PSMD14: variants seen among roughly 807,000 people sequenced by gnomAD.
PSMD14 encodes ubiquitin C-terminal hydrolase PSMD14.
Under a neutral mutation model 41.2 loss-of-function variants are expected in PSMD14, and 7 were observed. The observed-to-expected ratio is 0.17, with a 90% confidence interval of 0.10 to 0.32. PSMD14 has a LOEUF of 0.32. Ranked by LOEUF, PSMD14 falls within the 10% of genes least tolerant of loss-of-function variation. The pLI is 1.00. For synonymous variants in PSMD14, 114 were observed against 122.3 expected, an observed-to-expected ratio of 0.93 and a Z score of 0.45; for missense variants, 139 against 375.6, an observed-to-expected ratio of 0.37 and a Z score of 5.21.
chr2:161,345,333 C>G (rs1683025172), intron 3 of PSMD14, among the ~76,000 whole-genome samples: 1 of 149,710 alleles, frequency 6.7e-6, no homozygotes, highest in African/African-American at 2.5e-5. Flanking sequence ...ACCTCTGTCT[C>G]CTGGGCTCAA....
At chr2:161,388,205 A>G (rs1156534471) in intron 8 of PSMD14, among the ~76,000 whole-genome samples, 2 of 152,094 alleles carry the variant, frequency 1.3e-5, no homozygotes, top group African/African-American at 2.4e-5. Flanking sequence ...AAGAGCCTCT[A>G]AGTATAGTCT....
chr2:161,354,860 T>C (rs1683173492), intron 3 of PSMD14, among the ~76,000 whole-genome samples: 1 of 152,198 alleles, frequency 6.6e-6, no homozygotes, highest in Non-Finnish European at 1.5e-5. Context: ...CCCTCTCCCC[T>C]GCTATTACAT....
chr2:161,318,734 C>G (rs1417185801), intron 2 of PSMD14, 88 bp from the exon 3 acceptor site: 5 of 973,482 alleles, frequency 5.1e-6, no homozygotes, highest in Admixed American at 4.2e-5. Flanking sequence ...TTTTGACATA[C>G]TGAGTGACTG....
intron 3 of PSMD14, among the ~76,000 whole-genome samples, chr2:161,328,209 T>C (rs1383692763): frequency 1.3e-5 from 2 of 152,112 alleles, no homozygotes; most frequent in African/African-American, 2.4e-5. Context: ...TCAGGAGACA[T>C]GTTGAAGAAT....
chr2:161,344,346 G>T (rs1217629859), intron 3 of PSMD14, among the ~76,000 whole-genome samples: 4 of 152,148 alleles, frequency 2.6e-5, no homozygotes, highest in African/African-American at 7.2e-5. Context: ...TCTGGTTAGG[G>T]CCTGGTTCTG....
intron 3 of PSMD14, among the ~76,000 whole-genome samples, chr2:161,337,767 A>G (rs1682889740): frequency 6.6e-6 from 1 of 152,238 alleles, no homozygotes; most frequent in South Asian, 2.1e-4. Flanking sequence ...GATGTGCTGT[A>G]GCAGGAAGGG....
chr2:161,310,271 A>T (rs1466732828), intron 1 of PSMD14, among the ~76,000 whole-genome samples: 3 of 152,260 alleles, frequency 2.0e-5, no homozygotes, highest in Non-Finnish European at 4.4e-5. Flanking sequence ...TATGAAAGTC[A>T]ATAAATATTA....
intron 7 of PSMD14, among the ~76,000 whole-genome samples, chr2:161,372,189 G>C (rs1379510733): frequency 6.6e-6 from 1 of 151,996 alleles, no homozygotes; most frequent in African/African-American, 2.4e-5. Context: ...GAGGTGTCTT[G>C]TTTGAGCATG....
chr2:161,359,556 A>T (rs1211193622), intron 3 of PSMD14, among the ~76,000 whole-genome samples: 1 of 152,082 alleles, frequency 6.6e-6, no homozygotes, highest in Non-Finnish European at 1.5e-5. Flanking sequence ...ATTAGTATCT[A>T]TACAGTGTAT....
At chr2:161,332,924 A>T (rs966486718) in intron 3 of PSMD14, among the ~76,000 whole-genome samples, 1 of 152,168 alleles carries the variant, frequency 6.6e-6, no homozygotes, top group Non-Finnish European at 1.5e-5. Flanking sequence ...CACTTTGGCA[A>T]GTTTCTTTGC....
intron 3 of PSMD14, among the ~76,000 whole-genome samples, chr2:161,361,564 T>C (rs1186315225): frequency 6.6e-6 from 1 of 151,884 alleles, no homozygotes; most frequent in Non-Finnish European, 1.5e-5. Context: ...CATAATGATA[T>C]CAAAACCTGG....
At chr2:161,391,890 C>T (rs1683716727) in intron 9 of PSMD14, among the ~76,000 whole-genome samples, 1 of 152,114 alleles carries the variant, frequency 6.6e-6, no homozygotes, top group Admixed American at 6.6e-5. Context: ...TGAGCCATTG[C>T]ACCCAGCCTA....
intron 3 of PSMD14, among the ~76,000 whole-genome samples, chr2:161,337,041 G>T (rs140439564): frequency 6.6e-6 from 1 of 152,216 alleles, no homozygotes; most frequent in East Asian, 1.9e-4. Flanking sequence ...GTCATTTAAA[G>T]AAAAATTAAT....
chr2:161,334,361 AT>A (rs895004961), intron 3 of PSMD14, among the ~76,000 whole-genome samples: 18 of 151,774 alleles, frequency 1.2e-4, no homozygotes, highest in African/African-American at 3.9e-4. Flanking sequence ...AAATTATGTA[AT>A]TTTTTTTGAC....
chr2:161,315,005 G>T (rs1689131742), intron 1 of PSMD14, among the ~76,000 whole-genome samples: 1 of 152,166 alleles, frequency 6.6e-6, no homozygotes, highest in South Asian at 2.1e-4. Context: ...GCACTCATTG[G>T]TTCTTAAGTT....
chr2:161,380,269 A>G (rs2105262057), intron 7 of PSMD14, among the ~76,000 whole-genome samples: 1 of 152,078 alleles, frequency 6.6e-6, no homozygotes, highest in South Asian at 2.1e-4. Context: ...TTAAACCTCT[A>G]CACCATACTG....
intron 3 of PSMD14, among the ~76,000 whole-genome samples, chr2:161,351,623 G>A (rs1239191689): frequency 2.0e-5 from 3 of 152,184 alleles, no homozygotes; most frequent in East Asian, 3.8e-4. Context: ...CTTCTATGGT[G>A]TGCTAGTCAG....
chr2:161,339,871 C>G (rs1189197551), intron 3 of PSMD14, among the ~76,000 whole-genome samples: 3 of 152,256 alleles, frequency 2.0e-5, no homozygotes, highest in Non-Finnish European at 4.4e-5. Flanking sequence ...CATTCCCCAG[C>G]CTTCCATTAA....
At chr2:161,364,189 G>A (rs1037584073) in intron 3 of PSMD14, among the ~76,000 whole-genome samples, 1 of 152,152 alleles carries the variant, frequency 6.6e-6, no homozygotes, top group African/African-American at 2.4e-5. Flanking sequence ...CCTGCGTGCT[G>A]GTTTGCTCAT....
Sources: allele counts gnomAD v4.1 joint callset (sites outside exome capture counted in the v4.1 genomes callset), GRCh38; gene constraint gnomAD v4.1.1; transcripts MANE v1.5; gene names NCBI Gene and HGNC (gene_info 2026-07-23, HGNC 2026-07-21).